The following RPRD2 variants were observed in gnomAD, a reference collection of about 807,000 sequenced individuals.
The protein encoded by RPRD2 is regulation of nuclear pre-mRNA domain-containing protein 2.
In RPRD2, 12 loss-of-function variants were observed where a neutral mutation model predicts 104.4. The observed-to-expected ratio is 0.11, with a 90% CI of 0.07 to 0.19. RPRD2 has a LOEUF of 0.19. RPRD2 is among the 10% of genes least tolerant of loss of function. The pLI is 1.00. For missense variants in RPRD2, 1,543 were observed against 1,790.1 expected, an observed-to-expected ratio of 0.86 and a Z score of 2.49; for synonymous variants, 714 against 684.9, an observed-to-expected ratio of 1.04 and a Z score of -0.66.
chr1:150,462,844 C>T (rs1553899111), intron 9 of RPRD2, among the ~76,000 whole-genome samples: 1 of 152,120 alleles, frequency 6.6e-6, no homozygotes, highest in East Asian at 1.9e-4. Context: ...CGTGAGCCAC[C>T]GCATCCGGCC....
chr1:150,395,487 T>C (rs1662442390), intron 1 of RPRD2, among the ~76,000 whole-genome samples: 1 of 151,550 alleles, frequency 6.6e-6, no homozygotes, highest in African/African-American at 2.4e-5. Context: ...CAAATTGTGC[T>C]GCTACAGACA....
chr1:150,472,439 C>G lies in RPRD2; in HGVS notation c.3491C>G (p.Thr1164Arg), dbSNP rs1158041531. The change falls in exon 11 of 11, where the codon ACA (threonine) becomes AGA (arginine). Residue 1164 changes from threonine (T) to arginine (R), a missense_variant. Coordinates refer to ENST00000369068, the MANE Select transcript of RPRD2 (RefSeq NM_015203.5). ...AGCGGAGGCCTCACTGGCTTTAAAA[C>G]AGCACCATACAAGGAACGGGCACCT... is the stretch of plus-strand genomic sequence containing the variant. ...GGSGGLTGFK[T>R]APYKERAPQF... is the part of the protein sequence containing the mutation. 1 of 1,613,998 alleles carries G rather than the reference C, an allele frequency of 6.2e-7. No homozygotes were observed. The highest frequency in any genetic ancestry group is 1.7e-5 in the Admixed American group (1 of 60,024).
At chr1:150,396,623 C>T (rs1553884274) in intron 1 of RPRD2, among the ~76,000 whole-genome samples, 1 of 152,172 alleles carries the variant, frequency 6.6e-6, no homozygotes, top group East Asian at 1.9e-4. Context: ...GTCCTTTCCC[C>T]ACTTTATCTT....
rs1233862600 is a variant in RPRD2, at chr1:150,475,893, T to G, written c.*2559T>G. The G allele has an allele frequency of 7.1e-6, 1 of 141,692 alleles. No homozygotes were observed. The highest frequency in any genetic ancestry group is 1.6e-5 in the Non-Finnish European group (1 of 64,484). The allele number at this position is 141,692 out of a possible 1,614,324, so 8.8% of individuals were successfully genotyped here. The stretch of plus-strand genomic sequence containing the variant: ...GATATTTTTTAAAGAAAGCATAACA[T>G]AGTGTGTCTTAGCAAGGACATGATT... On this transcript the variant is annotated 3_prime_UTR_variant, in exon 11 of 11. Coordinates refer to ENST00000369068, the MANE Select transcript of RPRD2 (RefSeq NM_015203.5).
chr1:150,440,836 T>A (rs1381135366), intron 2 of RPRD2, 87 bp from the exon 3 acceptor site: 1 of 706,442 alleles, frequency 1.4e-6, no homozygotes, highest in African/African-American at 1.9e-5. Flanking sequence ...TGGAAAATAA[T>A]TTTATTGATA....
Position 150,473,042 on chromosome 1 carries a change from T to C in RPRD2, c.4094T>C (p.Val1365Ala), listed in dbSNP as rs376673789. 3.1e-6 allele frequency: 5 copies of C among 1,613,870 alleles called. No homozygotes were observed. The African/African-American group carries it at 6.7e-5, about 22-fold the overall frequency. The change falls in exon 11 of 11, where the codon GTA becomes GCA. Residue 1365 changes from valine (V) to alanine (A), a missense_variant. By Grantham distance (64) the Val-to-Ala change is moderately conservative (BLOSUM62 0). Transcript: ENST00000369068. Reference protein sequence around the residue: ...RDLNGPGLSRVRESLTLPSHS... With the variant: ...RDLNGPGLSRARESLTLPSHS... ...CTCAACGGCCCTGGCCTTAGCCGTG[T>C]ACGAGAGAGCCTCACCCTACCCTCC...
At chr1:150,448,320 C>T (rs75260244) in intron 7 of RPRD2, among the ~76,000 whole-genome samples, 13,052 of 152,028 alleles carry the variant, frequency 0.086, 683 homozygotes, top group African/African-American at 0.11. Context: ...AGGTGCATGC[C>T]ATCATGCCTG....
intron 1 of RPRD2, among the ~76,000 whole-genome samples, chr1:150,398,032 G>C (rs1662662891): frequency 1.3e-5 from 2 of 151,958 alleles, no homozygotes; most frequent in African/African-American, 2.4e-5. Context: ...GTGTTGCCCA[G>C]GCTGGAGTGC....
At position 150,471,495 on chromosome 1, in the gene RPRD2, A is replaced by G. The variant is rs1481215604; in HGVS notation, c.2547A>G (p.Leu849=). 6.2e-7 allele frequency: 1 copy of G among 1,613,890 alleles called. No individual in the cohort carries two copies. Among genetic ancestry groups the G allele is most frequent in the Non-Finnish European group, 8.5e-7 (1 of 1,179,872 alleles). ...CTCCACCCTCTGCCATGATGAACCT[A>G]GAGAAGAAACCAGCCAAATCTATCC... ...SGPPPSAMMN[L]EKKPAKSILK... The change falls in exon 11 of 11, where the codon CTA becomes CTG. Residue 849 remains leucine (L), a synonymous_variant. Transcript: ENST00000369068. This position sits in a 1 kb window ranked among gnomAD's most constrained non-coding sequence, Gnocchi z 5.3.
intron 1 of RPRD2, among the ~76,000 whole-genome samples, chr1:150,371,658 C>T (rs975306836): frequency 3.3e-5 from 5 of 152,180 alleles, no homozygotes; most frequent in African/African-American, 7.2e-5. Flanking sequence ...CATGAGCCAC[C>T]GTGCCCGGCT....
chr1:150,401,704 C>T (rs1245580553), intron 1 of RPRD2, among the ~76,000 whole-genome samples: 4 of 150,750 alleles, frequency 2.7e-5, no homozygotes, highest in Admixed American at 6.6e-5. Flanking sequence ...AGTGCAGTGG[C>T]GCAATCTCGG....
chr1:150,451,160 G>C (rs587710824), intron 7 of RPRD2, among the ~76,000 whole-genome samples: 2 of 152,226 alleles, frequency 1.3e-5, no homozygotes, highest in South Asian at 4.1e-4. Context: ...TTCCCAGTTT[G>C]AGTTTATTTG....
At chr1:150,406,519 G>A (rs902236190) in intron 1 of RPRD2, among the ~76,000 whole-genome samples, 7 of 152,130 alleles carry the variant, frequency 4.6e-5, no homozygotes, top group South Asian at 2.1e-4. Flanking sequence ...TGATTCTCCT[G>A]CCTCAGCCTC....
chr1:150,376,650 G>A (rs587607283), intron 1 of RPRD2, among the ~76,000 whole-genome samples: 27 of 151,782 alleles, frequency 1.8e-4, no homozygotes, highest in African/African-American at 5.1e-4. Context: ...ACAGGCGCCC[G>A]CCACCACGCC....
In RPRD2 at chr1:150,472,797, T is replaced by A. The variant is rs750166822; in HGVS notation, c.3849T>A (p.Gly1283=). The A allele has an allele frequency of 8.7e-6, 14 of 1,610,778 alleles. No homozygotes were observed. Among genetic ancestry groups the A allele is most frequent in the Non-Finnish European group, 1.2e-5 (14 of 1,177,452 alleles). The change falls in exon 11 of 11, where the codon GGT becomes GGA. Residue 1283 remains glycine (G), a synonymous_variant. Coordinates refer to ENST00000369068, the MANE Select transcript of RPRD2 (RefSeq NM_015203.5). ...CTCCTGGGGAACATAGCAGCAGTGG[T>A]GGGAGTGGTGTCCCCTTTTCTACTC... is the stretch of plus-strand genomic sequence containing the variant. ...PPPPGEHSSS[G]GSGVPFSTPP... is the part of the protein sequence containing the mutation.
intron 2 of RPRD2, among the ~76,000 whole-genome samples, chr1:150,422,394 ACT>A (rs1664833967): frequency 8.0e-6 from 1 of 125,000 alleles, no homozygotes; most frequent in Non-Finnish European, 1.8e-5. Context: ...AAAAAATAAA[ACT>A]CTTATTCACA....
At chr1:150,429,281 G>A (rs145958237) in intron 2 of RPRD2, among the ~76,000 whole-genome samples, 2,286 of 152,022 alleles carry the variant, frequency 0.015, 65 homozygotes, top group African/African-American at 0.05. Flanking sequence ...TAGTAGAGAC[G>A]GGGTTTCTCC....
At chr1:150,371,664 C>G (rs183524741) in intron 1 of RPRD2, among the ~76,000 whole-genome samples, 1 of 152,260 alleles carries the variant, frequency 6.6e-6, no homozygotes, top group East Asian at 1.9e-4. Flanking sequence ...CCACCGTGCC[C>G]GGCTGTGCCA....
At chr1:150,411,542 C>A (rs1339256081) in intron 1 of RPRD2, among the ~76,000 whole-genome samples, 4 of 126,976 alleles carry the variant, frequency 3.2e-5, no homozygotes, top group South Asian at 2.3e-4. Context: ...GTAATCCCAG[C>A]ACTTTGGGAG....
Sources: allele counts gnomAD v4.1 joint callset (sites outside exome capture counted in the v4.1 genomes callset), GRCh38; gene constraint gnomAD v4.1.1; non-coding constraint Gnocchi (gnomAD v3.1); transcripts MANE v1.5; gene names NCBI Gene and HGNC (gene_info 2026-07-23, HGNC 2026-07-21).